The following POLR3G variants were observed in gnomAD, a reference collection of about 807,000 sequenced individuals.
The protein encoded by POLR3G is RNA polymerase III subunit G.
In POLR3G, 28 loss-of-function variants were observed where a neutral mutation model predicts 30.1. The ratio of observed to expected loss-of-function variants is 0.93; its 90% CI spans 0.69 to 1.27. POLR3G has a LOEUF of 1.27. POLR3G is among the 50% of genes most tolerant of loss of function. The pLI is 0.00. For synonymous variants in POLR3G, 79 were observed against 82.5 expected, an observed-to-expected ratio of 0.96 and a Z score of 0.23; for missense variants, 254 against 264.6, an observed-to-expected ratio of 0.96 and a Z score of 0.28.
intron 1 of POLR3G, among the ~76,000 whole-genome samples, chr5:90,479,870 A>G (rs935953502): frequency 1.3e-5 from 2 of 152,146 alleles, no homozygotes; most frequent in African/African-American, 4.8e-5. Flanking sequence ...GCCAAGAGGG[A>G]AGATGAGGAG....
chr5:90,504,578 A>G (rs1020003276), intron 6 of POLR3G, among the ~76,000 whole-genome samples: 14 of 151,872 alleles, frequency 9.2e-5, no homozygotes, highest in Admixed American at 2.6e-4. Context: ...AAAAAAAAGT[A>G]CTTTTACATA....
At chr5:90,486,009 G>C (rs1214137928) in intron 2 of POLR3G, among the ~76,000 whole-genome samples, 1 of 152,036 alleles carries the variant, frequency 6.6e-6, no homozygotes, top group Non-Finnish European at 1.5e-5. Flanking sequence ...GTTTTATAAT[G>C]GTTCTCAGTT....
At chr5:90,502,741 ATC>A (rs1354479604) in intron 6 of POLR3G, among the ~76,000 whole-genome samples, 1 of 150,356 alleles carries the variant, frequency 6.7e-6, no homozygotes, top group African/African-American at 2.4e-5. Flanking sequence ...TTTTCATTTT[ATC>A]ACTTAACTGA....
intron 1 of POLR3G, among the ~76,000 whole-genome samples, chr5:90,483,143 C>CAG (rs1554038441): frequency 0.025 from 2,531 of 101,600 alleles, 40 homozygotes; most frequent in Middle Eastern, 0.062. Flanking sequence ...TCCTCCGTCT[C>CAG]AAAAAAAAAA....
chr5:90,487,478 G>A (rs909637045), intron 2 of POLR3G, among the ~76,000 whole-genome samples: 4 of 128,790 alleles, frequency 3.1e-5, no homozygotes, highest in African/African-American at 8.7e-5. Flanking sequence ...TGCAAGCTCC[G>A]CCTCCCGGGT....
At chr5:90,502,092 T>C (rs2151912353) in intron 6 of POLR3G, 104 bp downstream of exon 6, 3 of 1,492,718 alleles carry the variant, frequency 2.0e-6, no homozygotes, top group East Asian at 2.5e-5. Flanking sequence ...TTTTTAATAA[T>C]GTAAATTTGG....
rs1390809391 is a variant in POLR3G at position 90,513,200 on chromosome 5, A to ATATT, written c.*1063_*1066dup. On this transcript the variant is annotated 3_prime_UTR_variant, in exon 8 of 8. Transcript: ENST00000651687. ...AGATTTTCAAGGAAATTCATATTATATATTTCAAAAATGATTTATCAATGT... is the reference window on the plus strand; with the variant it reads ...AGATTTTCAAGGAAATTCATATTATATATTTATTTCAAAAATGATTTATCAATGT... 2.6e-5 allele frequency: 4 copies of ATATT among 152,598 alleles called. No individual in the cohort carries two copies. The highest frequency in any genetic ancestry group is 9.6e-5 in the African/African-American group (4 of 41,464). The allele number at this position is 152,598 out of a possible 1,614,324, so 9.5% of individuals were successfully genotyped here.
chr5:90,492,746 G>A (rs1428091769), intron 3 of POLR3G, among the ~76,000 whole-genome samples: 4 of 151,608 alleles, frequency 2.6e-5, no homozygotes, highest in Non-Finnish European at 4.4e-5. Flanking sequence ...GCCAGGCGTG[G>A]TAGAGGGCAC....
chr5:90,490,268 A>G (rs1277091431), intron 3 of POLR3G, among the ~76,000 whole-genome samples: 1 of 139,934 alleles, frequency 7.1e-6, no homozygotes, highest in African/African-American at 2.6e-5. Flanking sequence ...ATTTCAAAAT[A>G]TAAGGGTTTT....
At chr5:90,491,752 C>G (rs747453070) in intron 3 of POLR3G, among the ~76,000 whole-genome samples, 2 of 151,980 alleles carry the variant, frequency 1.3e-5, no homozygotes, top group Non-Finnish European at 2.9e-5. Context: ...TACCTTGCTA[C>G]TTTATCATCA....
chr5:90,501,040 T>G (rs1752221497), intron 5 of POLR3G, among the ~76,000 whole-genome samples: 1 of 151,964 alleles, frequency 6.6e-6, no homozygotes, highest in African/African-American at 2.4e-5. Flanking sequence ...AAAAAAATAA[T>G]TATGTAGCCC....
chr5:90,507,152 A>T (rs1222025912), intron 7 of POLR3G, among the ~76,000 whole-genome samples: 1 of 152,174 alleles, frequency 6.6e-6, no homozygotes, highest in Non-Finnish European at 1.5e-5. Flanking sequence ...TCCATTTGGG[A>T]TGTCTAACTT....
At chr5:90,497,180 T>G (rs1380512421) in intron 4 of POLR3G, among the ~76,000 whole-genome samples, 2 of 152,176 alleles carry the variant, frequency 1.3e-5, no homozygotes, top group Non-Finnish European at 2.9e-5. Flanking sequence ...TTTATATTTT[T>G]AATTTTAAAG....
Position 90,514,128 on chromosome 5 carries a change from A to G in POLR3G, c.*1989A>G, listed in dbSNP as rs1382570412. 1 of 152,202 alleles carries G rather than the reference A, an allele frequency of 6.6e-6. No homozygotes were observed. The highest frequency in any genetic ancestry group is 1.5e-5 in the Non-Finnish European group (1 of 68,030). 9.4% of individuals were successfully genotyped at this position (152,202 alleles called of 1,614,324 possible). Reference sequence around the variant, plus strand: ...TTAAGAGCCTTCTTTCCCCCTTTGAAAGATCCTTTTACAATGTTAAAGTAT... The same window carrying G: ...TTAAGAGCCTTCTTTCCCCCTTTGAGAGATCCTTTTACAATGTTAAAGTAT... On this transcript the variant is annotated 3_prime_UTR_variant, in exon 8 of 8. Coordinates refer to ENST00000651687, the MANE Select transcript of POLR3G (RefSeq NM_006467.3).
At chr5:90,478,273 T>C (rs1750938123) in intron 1 of POLR3G, among the ~76,000 whole-genome samples, 1 of 152,162 alleles carries the variant, frequency 6.6e-6, no homozygotes, top group South Asian at 2.1e-4. Context: ...TGAATAGAAA[T>C]TTTCAGGAGA....
At chr5:90,506,734 A>G (rs1001673133) in intron 7 of POLR3G, 60 bp downstream of exon 7, 4 of 1,499,642 alleles carry the variant, frequency 2.7e-6, no homozygotes, top group Admixed American at 4.3e-5. Flanking sequence ...AAGGAATCAG[A>G]TATAGAGTAT....
intron 2 of POLR3G, 141 bp downstream of exon 2, chr5:90,485,825 A>G: frequency 1.7e-5 from 10 of 572,390 alleles, no homozygotes; most frequent in South Asian, 3.0e-5. Context: ...ACTTACCTTT[A>G]AATATTTTCA....
intron 6 of POLR3G, among the ~76,000 whole-genome samples, chr5:90,502,707 A>T (rs1467041333): frequency 6.6e-6 from 1 of 152,026 alleles, no homozygotes. Context: ...TTTTAAAGAC[A>T]GAGATAGCAT....
At chr5:90,478,566 G>GTTTTTTTTTTTTTTTTTTTTTTTTTT (rs1561245449) in intron 1 of POLR3G, among the ~76,000 whole-genome samples, 1 of 31,038 alleles carries the variant, frequency 3.2e-5, no homozygotes, top group African/African-American at 1.2e-4. Context: ...AATCTGCGTG[G>GTTTTTTTTTTTTTTTTTTTTTTTTTT]TTCTTTTTTT....
Sources: gnomAD v4.1 joint callset for allele counts (sites outside exome capture counted in the v4.1 genomes callset) on GRCh38, gnomAD v4.1.1 for gene constraint, MANE v1.5 for transcripts, NCBI Gene and HGNC (gene_info 2026-07-23, HGNC 2026-07-21) for gene names.